The following ASAP1 variants were observed in gnomAD, a reference collection of about 807,000 sequenced individuals.
The protein encoded by ASAP1 is ArfGAP with SH3 domain, ankyrin repeat and PH domain 1, also known as arf-GAP with SH3 domain, ANK repeat and PH domain-containing protein 1.
In ASAP1, 43 loss-of-function variants were observed where a neutral mutation model predicts 145.2. The observed-to-expected ratio is 0.30, with a 90% CI of 0.23 to 0.38. The LOEUF (loss-of-function observed/expected upper bound fraction) is 0.38, where lower values mean the gene tolerates loss of function less well. Ranked by LOEUF, ASAP1 falls within the 10% of genes least tolerant of loss-of-function variation. ASAP1 has a pLI of 1.00. For synonymous variants in ASAP1, 546 were observed against 515.5 expected (o/e 1.06, Z -0.80); for missense variants, 1,018 against 1,355.3 (o/e 0.75, Z 3.91).
At chr8:130,187,359 T>C (rs906128708) in intron 6 of ASAP1, 74 bp from the exon 7 acceptor site, 2 of 1,241,640 alleles carry the variant, frequency 1.6e-6, no homozygotes, top group African/African-American at 1.5e-5. Context: ...TGAAATGACA[T>C]CTTAGCAAGA....
At chr8:130,388,889 C>A (rs1345807345) in intron 2 of ASAP1, among the ~76,000 whole-genome samples, 1 of 152,200 alleles carries the variant, frequency 6.6e-6, no homozygotes, top group Non-Finnish European at 1.5e-5. Context: ...AAACTGCAGG[C>A]TCCAGGGCCA....
At chr8:130,205,360 C>A (rs1816138404) in intron 5 of ASAP1, among the ~76,000 whole-genome samples, 1 of 142,942 alleles carries the variant, frequency 7.0e-6, no homozygotes. Context: ...TACCTTGAAA[C>A]ACTGAATGTG....
chr8:130,119,048 A>C (rs1357385824), intron 18 of ASAP1, among the ~76,000 whole-genome samples: 1 of 152,190 alleles, frequency 6.6e-6, no homozygotes, highest in Non-Finnish European at 1.5e-5. Flanking sequence ...ACCAATTAAA[A>C]GTTTTCAGAG....
At chr8:130,118,696 G>T (rs564126570) in intron 18 of ASAP1, 21 bp from the exon 19 acceptor site, 4 of 1,403,706 alleles carry the variant, frequency 2.8e-6, no homozygotes, top group African/African-American at 1.5e-5. Flanking sequence ...ACAAAATAAA[G>T]AATTTTTATT....
At chr8:130,090,752 GCAAA>G (rs764159120) in intron 25 of ASAP1, among the ~76,000 whole-genome samples, 1 of 152,218 alleles carries the variant, frequency 6.6e-6, no homozygotes, top group Non-Finnish European at 1.5e-5. Flanking sequence ...CCTCAAGTAA[GCAAA>G]CAGAGTCAGA....
chr8:130,171,981 G>A (rs1382359519), intron 9 of ASAP1, among the ~76,000 whole-genome samples: 1 of 152,164 alleles, frequency 6.6e-6, no homozygotes, highest in African/African-American at 2.4e-5. Flanking sequence ...ATTTAAGATG[G>A]ATGTTGTCAG....
At position 130,118,187 on chromosome 8, in the gene ASAP1, A is replaced by T; in HGVS notation, c.1854T>A (p.His618Gln). 1 of 1,613,960 alleles carries T rather than the reference A, an allele frequency of 6.2e-7. No homozygotes were observed. The highest frequency in any genetic ancestry group is 8.5e-7 in the Non-Finnish European group (1 of 1,179,856). The change falls in exon 20 of 30, where the codon CAT (histidine) becomes CAA (glutamine). Residue 618 changes from histidine to glutamine, a missense_variant. By Grantham distance (24) the His-to-Gln change is conservative (BLOSUM62 0). Coordinates refer to ENST00000518721, the MANE Select transcript of ASAP1 (RefSeq NM_018482.4). ...AVRTADQTSLHLVDFLVQNCG... is the reference protein window; with the variant it reads ...AVRTADQTSLQLVDFLVQNCG... ...AGTTTTGTACAAGGAAGTCAACCAAATGGAGAGATGTCTGATCTGCAGTTC... is the reference window on the plus strand; with the variant it reads ...AGTTTTGTACAAGGAAGTCAACCAATTGGAGAGATGTCTGATCTGCAGTTC...
intron 24 of ASAP1, among the ~76,000 whole-genome samples, chr8:130,107,033 T>C (rs1182375405): frequency 6.6e-6 from 1 of 152,204 alleles, no homozygotes. Flanking sequence ...TAGACATTAT[T>C]TCATGCTCTC....
At chr8:130,391,604 T>C (rs7014098) in intron 2 of ASAP1, among the ~76,000 whole-genome samples, 36,574 of 152,132 alleles carry the variant, frequency 0.24, 4,806 homozygotes, top group African/African-American at 0.33. Context: ...AGGCAGGTAC[T>C]AGGGGACAGG....
intron 3 of ASAP1, among the ~76,000 whole-genome samples, chr8:130,296,620 C>T (rs1822294279): frequency 2.0e-5 from 3 of 151,614 alleles, no homozygotes; most frequent in Admixed American, 2.0e-4. Context: ...ACATATTTAA[C>T]CTCCTTCAAC....
At chr8:130,396,389 G>A (rs1269843465) in intron 2 of ASAP1, among the ~76,000 whole-genome samples, 1 of 152,140 alleles carries the variant, frequency 6.6e-6, no homozygotes, top group Non-Finnish European at 1.5e-5. Context: ...AAAATGAAGG[G>A]AGGGAGGAAG....
chr8:130,195,296 G>C (rs1247217735), intron 5 of ASAP1: 1 of 151,460 alleles, frequency 6.6e-6, no homozygotes, highest in Non-Finnish European at 1.5e-5. Context: ...AGCAATTGGC[G>C]GGGGCCAAGG....
In ASAP1 at chr8:130,164,059, T is replaced by G. The variant is rs79608680; in HGVS notation, c.909+3477A>C. Reference sequence around the variant, plus strand: ...TAAAATTTCTAATGCAAGGTATCAATGGAGTGGGCAAAAGATTCCTTCTGT... The same window carrying G: ...TAAAATTTCTAATGCAAGGTATCAAGGGAGTGGGCAAAAGATTCCTTCTGT... On this transcript the variant is annotated intron_variant, in intron 11 of 29. Transcript: ENST00000518721. Among the ~76,000 whole-genome samples, 168 of 152,310 alleles carry G rather than the reference T, an allele frequency of 1.1e-3. 4 individuals are homozygous for G. The East Asian group carries it at 0.03, about 28-fold the overall frequency.
At chr8:130,232,269 C>A (rs1264902671) in intron 4 of ASAP1, among the ~76,000 whole-genome samples, 1 of 151,994 alleles carries the variant, frequency 6.6e-6, no homozygotes, top group Non-Finnish European at 1.5e-5. Context: ...AAGAAAATTG[C>A]CCAAGAATTA....
At chr8:130,177,960 A>G (rs2136151514) in intron 9 of ASAP1, among the ~76,000 whole-genome samples, 1 of 152,294 alleles carries the variant, frequency 6.6e-6, no homozygotes, top group East Asian at 1.9e-4. Flanking sequence ...GAGTATACTG[A>G]GGTTTAGTGA....
intron 1 of ASAP1, among the ~76,000 whole-genome samples, chr8:130,442,258 G>A (rs1830510802): frequency 6.6e-6 from 1 of 152,174 alleles, no homozygotes; most frequent in Non-Finnish European, 1.5e-5. Context: ...AACACAGAAG[G>A]GGCATGGGAC....
At chr8:130,144,911 T>C (rs1030381530) in intron 13 of ASAP1, among the ~76,000 whole-genome samples, 5 of 152,146 alleles carry the variant, frequency 3.3e-5, no homozygotes, top group Non-Finnish European at 7.3e-5. Context: ...AAAATGGAGA[T>C]CTCCAAGAAA....
At chr8:130,064,268 C>T (rs746581245) in intron 27 of ASAP1, among the ~76,000 whole-genome samples, 7 of 152,030 alleles carry the variant, frequency 4.6e-5, no homozygotes, top group Middle Eastern at 3.2e-3. Context: ...TAGCTGACAA[C>T]GGTGGAGATG....
chr8:130,072,793 A>ATATGTGTGTGTGTGTGTG (rs2097450143), intron 27 of ASAP1, among the ~76,000 whole-genome samples: 1 of 102,606 alleles, frequency 9.7e-6, no homozygotes, highest in African/African-American at 3.5e-5. Flanking sequence ...TGCAATTGAT[A>ATATGTGTGTGTGTGTGTG]TGTGTGTGTG....
Sources: allele counts gnomAD v4.1 joint callset (sites outside exome capture counted in the v4.1 genomes callset), GRCh38; gene constraint gnomAD v4.1.1; transcripts MANE v1.5; gene names NCBI Gene and HGNC (gene_info 2026-07-23, HGNC 2026-07-21).